Variants in AKT3 observed in about 807,000 individuals in gnomAD.
The protein encoded by AKT3 is AKT serine/threonine kinase 3.
Under a neutral mutation model 65.3 loss-of-function variants are expected in AKT3, and 15 were observed. The observed-to-expected ratio is 0.23, with a 90% CI of 0.15 to 0.35. AKT3 has a LOEUF of 0.35. Ranked by LOEUF, AKT3 falls within the 10% of genes least tolerant of loss-of-function variation. The probability of loss-of-function intolerance (pLI) is 1.00; values close to 1 mark genes in which losing one functional copy is unlikely to be tolerated. For missense variants in AKT3, 243 were observed against 576.5 expected (o/e 0.42, Z 5.92); for synonymous variants, 206 against 183.8 (o/e 1.12, Z -0.98).
In AKT3 at chr1:243,664,877, T is replaced by C; in HGVS notation, c.179A>G (p.Gln60Arg). Residue 60 changes from glutamine (Q) to arginine (R), a missense_variant, in exon 4 of 14, where the codon CAG becomes CGG. Physicochemically the swap from Gln to Arg is conservative, Grantham distance 43. Transcript: ENST00000673466. ...CTTTGGTCGTTCTGTTTTCATTAAC[T>C]GGCATTCTAAGAATAAAATAAAATG... ...PLNNFSVAKC[Q>R]LMKTERPKPN... is the part of the protein sequence containing the mutation. 2 of 1,531,810 alleles carry C rather than the reference T, an allele frequency of 1.3e-6. No homozygotes were observed. Among genetic ancestry groups the C allele is most frequent in the Non-Finnish European group, 8.8e-7 (1 of 1,133,130 alleles). The allele number at this position is 1,531,810 out of a possible 1,614,324, so 94.9% of individuals were successfully genotyped here.
intron 2 of AKT3, among the ~76,000 whole-genome samples, chr1:243,787,530 T>C (rs1691345148): frequency 1.3e-5 from 2 of 152,370 alleles, no homozygotes; most frequent in East Asian, 1.9e-4. Context: ...ATTTGAGGCT[T>C]ATGTCATTAT....
Position 243,527,870 on chromosome 1 carries a change from AACACACACACACACACACACAC to A in AKT3, c.1252-15466_1252-15445del, listed in dbSNP as rs56956606. The stretch of plus-strand genomic sequence containing the variant: ...ATTACAGCAAGACTCCATCTCTTAA[AACACACACACACACACACACAC>A]ACACACACACACACACACACACACA... On this transcript the variant is annotated intron_variant, in intron 12 of 13. Coordinates refer to ENST00000673466, the MANE Select transcript of AKT3 (RefSeq NM_005465.7). Among the ~76,000 whole-genome samples, 245 of 99,248 alleles carry A rather than the reference AACACACACACACACACACACAC, an allele frequency of 2.5e-3. 4 individuals are homozygous for A. The highest frequency in any genetic ancestry group is 4.6e-3 in the African/African-American group (110 of 24,028). 65.1% of individuals were successfully genotyped at this position (99,248 alleles called of 152,430 possible).
Position 243,504,650 on chromosome 1 carries a change from A to ATATATC in AKT3, c.*593_*598dup, listed in dbSNP as rs989128331. ...AAAAAAAAAAATTATATATATATAT[A>ATATATC]TATATCCCAACAGTTGTTCAGTCCT... On this transcript the variant is annotated 3_prime_UTR_variant, in exon 14 of 14. Coordinates refer to ENST00000673466, the MANE Select transcript of AKT3 (RefSeq NM_005465.7). 4 of 174,252 alleles carry ATATATC rather than the reference A, an allele frequency of 2.3e-5. No homozygotes were observed. The highest frequency in any genetic ancestry group is 9.5e-5 in the African/African-American group (4 of 42,028). The allele number at this position is 174,252 out of a possible 1,614,324, so 10.8% of individuals were successfully genotyped here.
chr1:243,803,795 C>G (rs1172573027), intron 2 of AKT3, among the ~76,000 whole-genome samples: 2 of 152,090 alleles, frequency 1.3e-5, no homozygotes, highest in African/African-American at 2.4e-5. Flanking sequence ...AACCCAGGAT[C>G]CAGACAATCA....
At chr1:243,762,801 C>A (rs956668013) in intron 2 of AKT3, among the ~76,000 whole-genome samples, 6 of 151,942 alleles carry the variant, frequency 3.9e-5, no homozygotes, top group African/African-American at 1.4e-4. Context: ...GGATTAGGGC[C>A]AAGTATATTA....
intron 3 of AKT3, among the ~76,000 whole-genome samples, chr1:243,674,948 T>C (rs1426022164): frequency 1.3e-5 from 2 of 152,288 alleles, no homozygotes; most frequent in Non-Finnish European, 2.9e-5. Flanking sequence ...TAGTACTCAA[T>C]AGGTAGTTTT....
intron 13 of AKT3, among the ~76,000 whole-genome samples, chr1:243,490,023 G>A (rs1176992492): frequency 1.3e-5 from 2 of 152,242 alleles, no homozygotes; most frequent in Non-Finnish European, 1.5e-5. Flanking sequence ...CTTTAATTAG[G>A]ATTGCACCCA....
At chr1:243,823,813 G>A (rs576285616) in intron 2 of AKT3, among the ~76,000 whole-genome samples, 3 of 152,122 alleles carry the variant, frequency 2.0e-5, no homozygotes, top group Admixed American at 6.5e-5. Context: ...AATCAATATC[G>A]TGAAAATGGT....
chr1:243,649,335 G>C (rs886939240), intron 4 of AKT3, among the ~76,000 whole-genome samples: 1 of 150,582 alleles, frequency 6.6e-6, no homozygotes, highest in African/African-American at 2.5e-5. Context: ...GTGTGTGTGT[G>C]TGTGTGTGTG....
intron 8 of AKT3, among the ~76,000 whole-genome samples, chr1:243,598,369 C>A (rs1208586493): frequency 6.6e-6 from 1 of 151,994 alleles, no homozygotes; most frequent in Non-Finnish European, 1.5e-5. Flanking sequence ...AAGTTAAGTT[C>A]CTTTATAAAG....
chr1:243,804,073 G>C lies in AKT3; in HGVS notation c.46+39052C>G, dbSNP rs1013303053. ...CCTTGACATCATCATCAGGGTTCTAGATCCACGCATGCCTGAGATCAGTCC... is the reference window on the plus strand; with the variant it reads ...CCTTGACATCATCATCAGGGTTCTACATCCACGCATGCCTGAGATCAGTCC... On this transcript the variant is annotated intron_variant, in intron 2 of 13. Transcript: ENST00000673466. 2.4e-4 allele frequency among the ~76,000 whole-genome samples: 36 copies of C among 152,192 alleles called. 1 individual carries two copies. Among genetic ancestry groups the C allele is most frequent in the Non-Finnish European group, 5.9e-5 (4 of 68,044 alleles).
rs76718363 is a variant in AKT3 at position 243,540,862 on chromosome 1, T to C, written c.1251+4648A>G. Among the ~76,000 whole-genome samples, 621 of 152,248 alleles carry C rather than the reference T, an allele frequency of 4.1e-3. 4 individuals carry two copies. Among genetic ancestry groups the C allele is most frequent in the African/African-American group, 0.014 (579 of 41,534 alleles). On this transcript the variant is annotated intron_variant, in intron 12 of 13. Coordinates refer to ENST00000673466, the MANE Select transcript of AKT3 (RefSeq NM_005465.7). Reference sequence around the variant, plus strand: ...AGGAATGTCCCTCCCTGTGAGTTCTTCAGGTTTCCTCATGATTATACTGAG... The same window carrying C: ...AGGAATGTCCCTCCCTGTGAGTTCTCCAGGTTTCCTCATGATTATACTGAG...
chr1:243,643,595 C>G (rs1680598451), intron 5 of AKT3, among the ~76,000 whole-genome samples: 2 of 152,180 alleles, frequency 1.3e-5, no homozygotes, highest in Admixed American at 1.3e-4. Context: ...GCCCTTGCCT[C>G]TTTACACCCA....
intron 2 of AKT3, among the ~76,000 whole-genome samples, chr1:243,782,036 T>G (rs1240477129): frequency 8.5e-5 from 13 of 152,168 alleles, no homozygotes; most frequent in Non-Finnish European, 1.9e-4. Context: ...TTGTTCAGCC[T>G]GGTCTCAAAT....
intron 12 of AKT3, among the ~76,000 whole-genome samples, chr1:243,514,698 C>T (rs1293570225): frequency 6.6e-6 from 1 of 152,086 alleles, no homozygotes; most frequent in Non-Finnish European, 1.5e-5. Context: ...TGGCAGCGGG[C>T]GCCTGTAGTC....
At chr1:243,759,660 T>C (rs1324728488) in intron 2 of AKT3, among the ~76,000 whole-genome samples, 2 of 152,142 alleles carry the variant, frequency 1.3e-5, no homozygotes, top group Non-Finnish European at 2.9e-5. Context: ...TTAGTGTAAG[T>C]TTAAGAAATG....
intron 2 of AKT3, among the ~76,000 whole-genome samples, chr1:243,825,755 G>T (rs1694128129): frequency 6.6e-6 from 1 of 152,016 alleles, no homozygotes; most frequent in Admixed American, 6.6e-5. Context: ...TTCTACAAGG[G>T]GAATAAAACT....
At chr1:243,703,907 C>A (rs1159198818) in intron 2 of AKT3, among the ~76,000 whole-genome samples, 1 of 151,980 alleles carries the variant, frequency 6.6e-6, no homozygotes, top group Non-Finnish European at 1.5e-5. Context: ...ATTATAGGTA[C>A]TTATTAAATA....
chr1:243,704,809 C>T lies in AKT3; in HGVS notation c.47-9093G>A, dbSNP rs1177377293. Among the ~76,000 whole-genome samples, 4 of 151,954 alleles carry T rather than the reference C, an allele frequency of 2.6e-5. No individual in the cohort carries two copies. In the East Asian group the frequency reaches 5.8e-4, roughly 22 times the overall value. Reference sequence around the variant, plus strand: ...TACGTTTCAGGTTTTAAGATTATTGCCCATTCTTGTCTTTCTCACTGATTT... The same window carrying T: ...TACGTTTCAGGTTTTAAGATTATTGTCCATTCTTGTCTTTCTCACTGATTT... On this transcript the variant is annotated intron_variant, in intron 2 of 13. Transcript: ENST00000673466.
Sources: allele counts gnomAD v4.1 joint callset (sites outside exome capture counted in the v4.1 genomes callset), GRCh38; gene constraint gnomAD v4.1.1; transcripts MANE v1.5; gene names NCBI Gene and HGNC (gene_info 2026-07-23, HGNC 2026-07-21).